Variants in HIPK3 observed in about 807,000 individuals in gnomAD.
HIPK3 encodes homeodomain interacting protein kinase 3.
A neutral mutation model predicts 124.2 loss-of-function variants in HIPK3; 47 were observed. The ratio of observed to expected loss-of-function variants is 0.38; its 90% CI spans 0.30 to 0.48. HIPK3 has a LOEUF of 0.48. Among genes scored for constraint, HIPK3 ranks in the 20% least tolerant of loss-of-function variants. The probability of loss-of-function intolerance (pLI) is 0.98; values close to 1 mark genes in which losing one functional copy is unlikely to be tolerated. For missense variants in HIPK3, 1,286 were observed against 1,454.3 expected (o/e 0.88, Z 1.88); for synonymous variants, 482 against 515.2 (o/e 0.94, Z 0.87).
At chr11:33,335,102 A>G (rs1431516773) in intron 3 of HIPK3, among the ~76,000 whole-genome samples, 1 of 152,212 alleles carries the variant, frequency 6.6e-6, no homozygotes, top group African/African-American at 2.4e-5. Flanking sequence ...TATTAACCAT[A>G]GGAGGAAAAT....
chr11:33,348,072 C>T, intron 11 of HIPK3, 59 bp downstream of exon 11: 1 of 1,608,138 alleles, frequency 6.2e-7, no homozygotes, highest in Non-Finnish European at 8.5e-7. Context: ...ATGAATTTTG[C>T]ATGTACTCTA....
At chr11:33,317,384 C>T (rs1852536685) in intron 2 of HIPK3, among the ~76,000 whole-genome samples, 1 of 150,986 alleles carries the variant, frequency 6.6e-6, no homozygotes, top group Non-Finnish European at 1.5e-5. Flanking sequence ...CCTCAGCTCC[C>T]CAAGTAGCTG....
At chr11:33,353,057 T>G in intron 16 of HIPK3, 35 bp from the exon 17 acceptor site, 1 of 1,218,804 alleles carries the variant, frequency 8.2e-7, no homozygotes, top group African/African-American at 1.5e-5. Flanking sequence ...TTAAGGTATG[T>G]TATTCAGTCA....
intron 2 of HIPK3, among the ~76,000 whole-genome samples, chr11:33,311,800 C>A (rs962001763): frequency 6.7e-6 from 1 of 148,736 alleles, no homozygotes; most frequent in Non-Finnish European, 1.5e-5. Flanking sequence ...TCCAGGAGTT[C>A]ATGAGCAGCT....
At position 33,348,011 on chromosome 11, in the gene HIPK3, C is replaced by A. The variant is rs555970913; in HGVS notation, c.2304C>A (p.Asn768Lys). The A allele has an allele frequency of 1.4e-5, 23 of 1,614,136 alleles. No homozygotes were observed. In the East Asian group the frequency reaches 3.3e-4, roughly 23 times the overall value. ...ATTKKNKQCQNRGILVKLMEW... is the reference protein window; with the variant it reads ...ATTKKNKQCQKRGILVKLMEW... ...CCAAGAAAAATAAACAGTGCCAGAACAGGTTGGTATTGGTGCTTTAGCTTT... is the reference window on the plus strand; with the variant it reads ...CCAAGAAAAATAAACAGTGCCAGAAAAGGTTGGTATTGGTGCTTTAGCTTT... Residue 768 changes from asparagine (N) to lysine (K), a missense_variant and splice_region_variant, in exon 11 of 17, where the codon AAC (asparagine) becomes AAA (lysine). Physicochemically the swap from Asn to Lys is moderately conservative, Grantham distance 94. Around this residue, in one of 3 missense-constraint regions of HIPK3, gnomAD observed 810 missense variants for 864.9 expected, o/e 0.94. Coordinates refer to ENST00000303296, the MANE Select transcript of HIPK3 (RefSeq NM_005734.5).
At chr11:33,303,572 T>C (rs997421479) in intron 2 of HIPK3, among the ~76,000 whole-genome samples, 1 of 152,224 alleles carries the variant, frequency 6.6e-6, no homozygotes, top group Non-Finnish European at 1.5e-5. Flanking sequence ...TTCATGAATG[T>C]ACTATGTCAA....
intron 2 of HIPK3, among the ~76,000 whole-genome samples, chr11:33,296,004 G>C (rs909836400): frequency 1.3e-5 from 2 of 152,146 alleles, no homozygotes; most frequent in African/African-American, 4.8e-5. Flanking sequence ...CTTAACTGAG[G>C]TTTGCCAAAT....
At chr11:33,346,738 C>T (rs746744549) in intron 8 of HIPK3, among the ~76,000 whole-genome samples, 45 of 152,112 alleles carry the variant, frequency 3.0e-4, no homozygotes, top group Non-Finnish European at 2.6e-4. Context: ...AAAATTAAAT[C>T]GTTCAACTTT....
intron 1 of HIPK3, among the ~76,000 whole-genome samples, chr11:33,278,882 T>C (rs1590350236): frequency 6.6e-6 from 1 of 152,332 alleles, no homozygotes; most frequent in East Asian, 1.9e-4. Flanking sequence ...TAGTAAATTT[T>C]ATTTATTTTT....
At chr11:33,305,571 T>C (rs1457691155) in intron 2 of HIPK3, among the ~76,000 whole-genome samples, 1 of 152,196 alleles carries the variant, frequency 6.6e-6, no homozygotes, top group Non-Finnish European at 1.5e-5. Flanking sequence ...GATTCAGATA[T>C]GCTAAGCAGG....
intron 2 of HIPK3, among the ~76,000 whole-genome samples, chr11:33,296,125 A>G (rs554010814): frequency 2.2e-4 from 34 of 152,118 alleles, no homozygotes; most frequent in Admixed American, 1.3e-4. Context: ...GTTTAATTCA[A>G]TGGGTTGTAA....
chr11:33,318,959 A>AT (rs2133954946), intron 2 of HIPK3, among the ~76,000 whole-genome samples: 1 of 152,340 alleles, frequency 6.6e-6, no homozygotes, highest in South Asian at 2.1e-4. Context: ...AGGCTTTAGA[A>AT]TCAGGGGTTT....
At chr11:33,290,354 ATTT>A (rs1357447918) in intron 2 of HIPK3, among the ~76,000 whole-genome samples, 2 of 152,026 alleles carry the variant, frequency 1.3e-5, no homozygotes, top group Non-Finnish European at 2.9e-5. Flanking sequence ...TTAGCTTTTA[ATTT>A]TTTTCTGGAA....
chr11:33,270,713 T>C (rs539837920), intron 1 of HIPK3, among the ~76,000 whole-genome samples: 1 of 152,194 alleles, frequency 6.6e-6, no homozygotes, highest in African/African-American at 2.4e-5. Context: ...CCCAGCACTT[T>C]AGGAGGCTGA....
chr11:33,319,293 G>A (rs372360929), intron 2 of HIPK3, among the ~76,000 whole-genome samples: 2 of 152,096 alleles, frequency 1.3e-5, no homozygotes, highest in Non-Finnish European at 2.9e-5. Flanking sequence ...TCAAGAGATC[G>A]AGACCATCCT....
chr11:33,307,172 C>T (rs1852185897), intron 2 of HIPK3, among the ~76,000 whole-genome samples: 1 of 152,052 alleles, frequency 6.6e-6, no homozygotes, highest in Non-Finnish European at 1.5e-5. Context: ...CTCCTGACCT[C>T]AGGTGATCTG....
intron 1 of HIPK3, among the ~76,000 whole-genome samples, chr11:33,282,727 C>T (rs147217790): frequency 2.6e-5 from 4 of 151,958 alleles, no homozygotes; most frequent in African/African-American, 9.7e-5. Context: ...TTTTCTGAGT[C>T]TATGGGTATG....
At position 33,271,664 on chromosome 11, in the gene HIPK3, A is replaced by C. The variant is rs184493402; in HGVS notation, c.-3+13775A>C. Among the ~76,000 whole-genome samples the C allele has an allele frequency of 9.4e-3, 1,431 of 152,354 alleles. 7 individuals are homozygous for C. The highest frequency in any genetic ancestry group is 0.014 in the Non-Finnish European group (968 of 68,036). On this transcript the variant is annotated intron_variant, in intron 1 of 16. Transcript: ENST00000303296. Reference sequence around the variant, plus strand: ...CTTTGCAGCCATTTTCAGTCTAATGAGGAAGCACATTTTTATTTATGGGAT... The same window carrying C: ...CTTTGCAGCCATTTTCAGTCTAATGCGGAAGCACATTTTTATTTATGGGAT...
At chr11:33,279,454 T>C (rs772774025) in intron 1 of HIPK3, among the ~76,000 whole-genome samples, 80 of 152,274 alleles carry the variant, frequency 5.3e-4, no homozygotes, top group Non-Finnish European at 1.0e-3. Context: ...TGGTAAAGTA[T>C]TTGTTTCTGT....
Sources: allele counts gnomAD v4.1 joint callset (sites outside exome capture counted in the v4.1 genomes callset), GRCh38; gene constraint gnomAD v4.1.1; regional missense constraint gnomAD v4.1.1; transcripts MANE v1.5; gene names NCBI Gene and HGNC (gene_info 2026-07-23, HGNC 2026-07-21).